The following FAM13A variants were observed in gnomAD, a reference collection of about 807,000 sequenced individuals.
FAM13A encodes the protein family with sequence similarity 13 member A, also known as protein FAM13A.
A neutral mutation model predicts 129.6 loss-of-function variants in FAM13A; 76 were observed. The observed-to-expected ratio is 0.59, with a 90% CI of 0.49 to 0.71. The LOEUF (loss-of-function observed/expected upper bound fraction) is 0.71. Among genes scored for constraint, FAM13A ranks in the 30% least tolerant of loss-of-function variants. The pLI is 0.00. For synonymous variants in FAM13A, 443 were observed against 449.9 expected, an observed-to-expected ratio of 0.98 and a Z score of 0.20; for missense variants, 1,108 against 1,249.3, an observed-to-expected ratio of 0.89 and a Z score of 1.70.
At chr4:88,822,725 T>C (rs546327732) in intron 7 of FAM13A, among the ~76,000 whole-genome samples, 2 of 152,364 alleles carry the variant, frequency 1.3e-5, no homozygotes, top group East Asian at 3.9e-4. Context: ...TATTTTCTTA[T>C]ATTCATTTCC....
intron 4 of FAM13A, among the ~76,000 whole-genome samples, chr4:88,952,737 C>T (rs955281863): frequency 1.3e-5 from 2 of 152,098 alleles, no homozygotes; most frequent in Admixed American, 6.6e-5. Flanking sequence ...CCCTTGAGGT[C>T]GGGAGTTCAA....
intron 4 of FAM13A, among the ~76,000 whole-genome samples, chr4:88,948,353 C>T (rs1456431560): frequency 2.0e-5 from 3 of 152,100 alleles, no homozygotes; most frequent in Non-Finnish European, 4.4e-5. Flanking sequence ...AGATCAAATT[C>T]TTAAAAAGTT....
chr4:88,752,419 A>G (rs1560895447), intron 14 of FAM13A, among the ~76,000 whole-genome samples: 1 of 152,188 alleles, frequency 6.6e-6, no homozygotes, highest in East Asian at 1.9e-4. Context: ...CATTAATTTA[A>G]AAAATTAACT....
intron 7 of FAM13A, among the ~76,000 whole-genome samples, chr4:88,835,822 A>T (rs1341536497): frequency 6.6e-6 from 1 of 152,078 alleles, no homozygotes; most frequent in Non-Finnish European, 1.5e-5. Flanking sequence ...GTAAATAAAG[A>T]TGAGGCTTCA....
At chr4:88,753,660 C>T (rs755375689) in intron 14 of FAM13A, 254 of 926,046 alleles carry the variant, frequency 2.7e-4, no homozygotes, top group Non-Finnish European at 3.1e-4. Flanking sequence ...ATTCGATAGT[C>T]TTATAATTTA....
At chr4:88,956,567 A>G (rs559447539) in intron 4 of FAM13A, among the ~76,000 whole-genome samples, 2 of 152,370 alleles carry the variant, frequency 1.3e-5, no homozygotes, top group African/African-American at 4.8e-5. Flanking sequence ...TCACTATACT[A>G]GATTTCTATT....
intron 7 of FAM13A, among the ~76,000 whole-genome samples, chr4:88,837,089 G>A (rs1041450833): frequency 2.0e-5 from 3 of 151,626 alleles, no homozygotes; most frequent in Non-Finnish European, 4.4e-5. Context: ...CTGCCTCCAG[G>A]GTTTAAGTGA....
At chr4:88,731,785 T>C (rs959248383) in intron 22 of FAM13A, 20 of 530,722 alleles carry the variant, frequency 3.8e-5, no homozygotes, top group Non-Finnish European at 5.9e-5. Context: ...AGAGAGAACT[T>C]CTGGTTGTTT....
chr4:88,960,424 T>C (rs180671106), intron 4 of FAM13A, among the ~76,000 whole-genome samples: 183 of 152,234 alleles, frequency 1.2e-3, no homozygotes, highest in African/African-American at 4.0e-3. Context: ...TACAAAACAA[T>C]AGAAAAACAG....
chr4:88,820,097 C>G (rs1316645420), intron 7 of FAM13A, among the ~76,000 whole-genome samples: 1 of 152,156 alleles, frequency 6.6e-6, no homozygotes, highest in Admixed American at 6.5e-5. Context: ...CTCATCTTGG[C>G]TACAGATTAG....
In FAM13A at chr4:88,913,199, G is replaced by T. The variant is rs536919012; in HGVS notation, c.760-6737C>A. Among the ~76,000 whole-genome samples the T allele has an allele frequency of 1.7e-3, 224 of 128,960 alleles. 2 individuals are homozygous for T. The highest frequency in any genetic ancestry group is 2.2e-3 in the Non-Finnish European group (132 of 58,956). The allele number at this position is 128,960 out of a possible 152,430, so 84.6% of individuals were successfully genotyped here. On this transcript the variant is annotated intron_variant, in intron 5 of 23. Transcript: ENST00000264344. ...GGAAGAAGTGGAGGAGGAAGAGGAA[G>T]AGGAAGAAGAACAGGAGGAAGAGGA...
intron 4 of FAM13A, among the ~76,000 whole-genome samples, chr4:88,955,711 T>C (rs1035280991): frequency 1.3e-5 from 2 of 152,254 alleles, no homozygotes; most frequent in Admixed American, 6.5e-5. Context: ...ATGAGGAATT[T>C]TGGGGGAAGT....
chr4:88,738,823 A>C (rs1739552369), intron 20 of FAM13A, among the ~76,000 whole-genome samples: 1 of 152,200 alleles, frequency 6.6e-6, no homozygotes, highest in South Asian at 2.1e-4. Context: ...TATCAGCTTC[A>C]GATTTGCCCA....
chr4:88,972,618 T>G lies in FAM13A; in HGVS notation c.605+18355A>C, dbSNP rs182848305. ...ACCCAGCCCCTCCTTCACTTTTTTTTGGGGGGGAGAACAGAGTCTCACTCT... is the reference window on the plus strand; with the variant it reads ...ACCCAGCCCCTCCTTCACTTTTTTTGGGGGGGGAGAACAGAGTCTCACTCT... On this transcript the variant is annotated intron_variant, in intron 4 of 23. Coordinates refer to ENST00000264344, the MANE Select transcript of FAM13A (RefSeq NM_014883.4). 7.9e-3 allele frequency among the ~76,000 whole-genome samples: 1,195 copies of G among 151,902 alleles called. 17 individuals are homozygous for G. The highest frequency in any genetic ancestry group is 0.023 in the African/African-American group (965 of 41,428).
At chr4:88,812,459 G>A (rs1481975184) in intron 7 of FAM13A, among the ~76,000 whole-genome samples, 1 of 152,030 alleles carries the variant, frequency 6.6e-6, no homozygotes, top group African/African-American at 2.4e-5. Flanking sequence ...CCTCCCAATT[G>A]CAACCCAACA....
At chr4:88,733,665 G>A (rs1378951849) in intron 21 of FAM13A, among the ~76,000 whole-genome samples, 4 of 152,194 alleles carry the variant, frequency 2.6e-5, no homozygotes, top group South Asian at 2.1e-4. Flanking sequence ...GTGAAGGCAG[G>A]AATTGGGGCC....
intron 6 of FAM13A, among the ~76,000 whole-genome samples, chr4:88,852,553 T>G (rs1045361187): frequency 2.0e-5 from 3 of 152,214 alleles, no homozygotes; most frequent in African/African-American, 7.2e-5. Flanking sequence ...GCCTGATACT[T>G]TAATCTAAGT....
chr4:88,837,319 T>C (rs753195961), intron 7 of FAM13A, among the ~76,000 whole-genome samples: 3 of 152,094 alleles, frequency 2.0e-5, no homozygotes, highest in Non-Finnish European at 4.4e-5. Flanking sequence ...TAAATAGTGA[T>C]AAATACATAT....
intron 2 of FAM13A, among the ~76,000 whole-genome samples, chr4:89,026,497 T>C (rs1767982352): frequency 6.6e-6 from 1 of 152,136 alleles, no homozygotes; most frequent in African/African-American, 2.4e-5. Flanking sequence ...AGTGGGTAAT[T>C]TATAAAAGAA....
Sources: gnomAD v4.1 joint callset for allele counts (sites outside exome capture counted in the v4.1 genomes callset) on GRCh38, gnomAD v4.1.1 for gene constraint, MANE v1.5 for transcripts, NCBI Gene and HGNC (gene_info 2026-07-23, HGNC 2026-07-21) for gene names.